NEBL: variants seen among roughly 807,000 people sequenced by gnomAD.
NEBL encodes nebulette.
Under a neutral mutation model 140.2 loss-of-function variants are expected in NEBL, and 122 were observed. That is an observed-to-expected ratio of 0.87 (90% CI 0.75 to 1.01). The LOEUF (loss-of-function observed/expected upper bound fraction) is 1.01. Among genes scored for constraint, NEBL ranks in the 50% least tolerant of loss-of-function variants. The pLI is 0.00. For synonymous variants in NEBL, 436 were observed against 398.9 expected, an observed-to-expected ratio of 1.09 and a Z score of -1.11; for missense variants, 1,365 against 1,231.3, an observed-to-expected ratio of 1.11 and a Z score of -1.62.
At chr10:21,111,243 C>T (rs1837998687) in intron 2 of NEBL, among the ~76,000 whole-genome samples, 2 of 152,116 alleles carry the variant, frequency 1.3e-5, no homozygotes, top group Admixed American at 1.3e-4. Context: ...GAAAAAACTA[C>T]TTTAAAGTTC....
At chr10:20,857,844 A>T (rs1403298747) in intron 9 of NEBL, among the ~76,000 whole-genome samples, 1 of 152,070 alleles carries the variant, frequency 6.6e-6, no homozygotes, top group African/African-American at 2.4e-5. Flanking sequence ...GACTAAGACA[A>T]TTTTTCATGC....
chr10:21,174,967 C>G (rs1841264996), upstream of NEBL: 1 of 152,080 alleles, frequency 6.6e-6, no homozygotes, highest in South Asian at 2.1e-4. Context: ...AATTCAACAC[C>G]GCAAAGATCT....
intron 4 of NEBL, among the ~76,000 whole-genome samples, chr10:20,927,026 T>C (rs939680769): frequency 6.6e-6 from 1 of 151,916 alleles, no homozygotes; most frequent in Admixed American, 6.6e-5. Context: ...GCAGTGGTGG[T>C]GGTGGAAAGA....
chr10:20,896,065 A>T (rs1308306050), intron 2 of NEBL, among the ~76,000 whole-genome samples: 1 of 152,108 alleles, frequency 6.6e-6, no homozygotes, highest in Non-Finnish European at 1.5e-5. Context: ...CCGTTAGAAA[A>T]CAAACGTGCA....
chr10:20,996,638 T>G (rs765134299), intron 3 of NEBL, among the ~76,000 whole-genome samples: 8 of 152,230 alleles, frequency 5.3e-5, no homozygotes, highest in African/African-American at 9.6e-5. Context: ...AAACCCTCAC[T>G]CTTTCCTTCA....
At chr10:21,168,906 G>T (rs931309078) in intron 2 of NEBL, among the ~76,000 whole-genome samples, 2 of 150,414 alleles carry the variant, frequency 1.3e-5, no homozygotes, top group Admixed American at 1.3e-4. Flanking sequence ...AAAATTAGCC[G>T]GGCTTGGTGG....
intron 3 of NEBL, among the ~76,000 whole-genome samples, chr10:20,972,618 G>A (rs901845380): frequency 3.3e-5 from 5 of 151,916 alleles, no homozygotes; most frequent in East Asian, 1.9e-4. Context: ...ATGGCAGTGC[G>A]CACCTGTAGT....
intron 2 of NEBL, among the ~76,000 whole-genome samples, chr10:21,105,499 C>T (rs906776261): frequency 1.3e-5 from 2 of 152,168 alleles, no homozygotes; most frequent in African/African-American, 2.4e-5. Flanking sequence ...ATCCATGTCC[C>T]TGCAAAGGAC....
At chr10:21,067,241 G>A (rs1356690604) in intron 2 of NEBL, among the ~76,000 whole-genome samples, 2 of 152,068 alleles carry the variant, frequency 1.3e-5, no homozygotes, top group African/African-American at 2.4e-5. Context: ...AAAGTGCTGA[G>A]ATTACAGGTG....
intron 3 of NEBL, among the ~76,000 whole-genome samples, chr10:21,233,482 T>C (rs1471288992): frequency 6.6e-6 from 1 of 151,638 alleles, no homozygotes; most frequent in African/African-American, 2.4e-5. Context: ...AGCAGAGATA[T>C]AGATAAATGT....
chr10:21,063,015 G>C lies in NEBL; in HGVS notation c.165-42814C>G, dbSNP rs1348116185. Among the ~76,000 whole-genome samples the C allele has an allele frequency of 2.0e-5, 3 of 152,148 alleles. No homozygotes were observed. In the East Asian group the frequency reaches 5.8e-4, roughly 29 times the overall value. On this transcript the variant is annotated intron_variant, in intron 2 of 6. Transcript: ENST00000417816. ...TGGAGGGGAAGTTGAGTATGCAAAAGATGAGGCAATAGAAATAAAGGTTGC... is the reference window on the plus strand; with the variant it reads ...TGGAGGGGAAGTTGAGTATGCAAAACATGAGGCAATAGAAATAAAGGTTGC...
chr10:20,920,084 T>C (rs191876827), intron 4 of NEBL, among the ~76,000 whole-genome samples: 3 of 152,228 alleles, frequency 2.0e-5, no homozygotes, highest in African/African-American at 7.2e-5. Context: ...ATAAGAGAAA[T>C]ATAAATTAAA....
chr10:20,871,215 C>T (rs1199967141), intron 5 of NEBL, among the ~76,000 whole-genome samples: 5 of 152,102 alleles, frequency 3.3e-5, no homozygotes, highest in Admixed American at 3.3e-4. Flanking sequence ...TCTAATGTCA[C>T]CTGCAACCTT....
chr10:20,793,380 G>A (rs1836185795), intron 26 of NEBL: 1 of 975,724 alleles, frequency 1.0e-6, no homozygotes, highest in Admixed American at 6.2e-5. Context: ...ACAAACCCTG[G>A]AAAGGAAGGA....
chr10:21,038,262 T>C (rs570719666), intron 2 of NEBL, among the ~76,000 whole-genome samples: 48 of 152,286 alleles, frequency 3.2e-4, no homozygotes, highest in African/African-American at 1.2e-3. Flanking sequence ...GTTACATAGG[T>C]ATATATGTGC....
intron 3 of NEBL, among the ~76,000 whole-genome samples, chr10:21,011,104 T>C (rs1016840918): frequency 6.6e-6 from 1 of 152,196 alleles, no homozygotes; most frequent in Admixed American, 6.5e-5. Context: ...AACATTTTTG[T>C]ACTAAAATCA....
At chr10:20,945,153 A>G (rs1159937741) in intron 4 of NEBL, among the ~76,000 whole-genome samples, 1 of 152,144 alleles carries the variant, frequency 6.6e-6, no homozygotes, top group Non-Finnish European at 1.5e-5. Flanking sequence ...CTACATGCGA[A>G]GTTTTTTGCC....
At chr10:20,865,920 A>T (rs1196181670) in intron 7 of NEBL, among the ~76,000 whole-genome samples, 1 of 152,034 alleles carries the variant, frequency 6.6e-6, no homozygotes, top group African/African-American at 2.4e-5. Context: ...TGATCACTTT[A>T]TGTGTAGATT....
chr10:20,873,329 T>G (rs547670210), intron 5 of NEBL, among the ~76,000 whole-genome samples: 1 of 152,312 alleles, frequency 6.6e-6, no homozygotes, highest in Non-Finnish European at 1.5e-5. Context: ...AATCTTGTTT[T>G]GCATAAGGAC....
Sources: allele counts gnomAD v4.1 joint callset (sites outside exome capture counted in the v4.1 genomes callset), GRCh38; gene constraint gnomAD v4.1.1; transcripts MANE v1.5; gene names NCBI Gene and HGNC (gene_info 2026-07-23, HGNC 2026-07-21).